C12orf56: variants seen among roughly 807,000 people sequenced by gnomAD.
The protein encoded by C12orf56 is chromosome 12 open reading frame 56.
Under a neutral mutation model 69.9 loss-of-function variants are expected in C12orf56, and 71 were observed. The observed-to-expected ratio is 1.02, with a 90% CI of 0.84 to 1.24. The LOEUF is 1.24. C12orf56 is among the 50% of genes most tolerant of loss of function. C12orf56 has a pLI of 0.00. For synonymous variants in C12orf56, 276 were observed against 274.1 expected (o/e 1.01, Z -0.07); for missense variants, 732 against 738.5 (o/e 0.99, Z 0.10).
chr12:64,365,756 T>C (rs976377061), intron 1 of C12orf56, among the ~76,000 whole-genome samples: 4 of 143,406 alleles, frequency 2.8e-5, no homozygotes, highest in African/African-American at 1.0e-4. Flanking sequence ...ATATATAATA[T>C]ATAGTTTATA....
intron 6 of C12orf56, 31 bp downstream of exon 6, chr12:64,303,604 T>G (rs1159578843): frequency 6.8e-7 from 1 of 1,474,658 alleles, no homozygotes; most frequent in African/African-American, 1.4e-5. Flanking sequence ...AACACAAACT[T>G]TAAAGATTAA....
chr12:64,275,154 G>A, intron 10 of C12orf56, 144 bp downstream of exon 10: 1 of 741,854 alleles, frequency 1.3e-6, no homozygotes, highest in East Asian at 2.8e-5. Flanking sequence ...AACCAGTTTT[G>A]GAGACCATCT....
At chr12:64,273,185 C>T (rs1465723635) in intron 11 of C12orf56, among the ~76,000 whole-genome samples, 3 of 151,722 alleles carry the variant, frequency 2.0e-5, no homozygotes, top group Non-Finnish European at 2.9e-5. Context: ...ATCCCAGCTA[C>T]TTGGGAGGCT....
At chr12:64,280,959 G>T (rs2038115079) in intron 8 of C12orf56, among the ~76,000 whole-genome samples, 1 of 152,174 alleles carries the variant, frequency 6.6e-6, no homozygotes, top group Non-Finnish European at 1.5e-5. Context: ...GTGATAATTT[G>T]TTATATGGCA....
In C12orf56 at chr12:64,312,691, T is replaced by C. The variant is rs1289674154; in HGVS notation, c.956A>G (p.Gln319Arg). 20 of 1,535,810 alleles carry C rather than the reference T, an allele frequency of 1.3e-5. No homozygotes were observed. The Middle Eastern group carries it at 6.7e-4, about 51-fold the overall frequency. Residue 319 changes from glutamine (Q) to arginine (R), a missense_variant, in exon 5 of 13, where the codon CAA becomes CGA. Coordinates refer to ENST00000543942, the MANE Select transcript of C12orf56 (RefSeq NM_001170633.2). ...CATCACTTCTTACCTATATGGCTTT[T>C]GACTTCCAATAGCAGGACTGAACTC... ...ASEFSPAIGS[Q>R]KPYRSEEKIK...
intron 1 of C12orf56, among the ~76,000 whole-genome samples, chr12:64,365,742 T>C (rs2039461070): frequency 7.0e-6 from 1 of 143,692 alleles, no homozygotes; most frequent in Admixed American, 7.4e-5. Flanking sequence ...ATAGTTTATA[T>C]AATATATATA....
chr12:64,353,568 G>A (rs921468507), intron 1 of C12orf56, among the ~76,000 whole-genome samples: 3 of 151,704 alleles, frequency 2.0e-5, no homozygotes. Flanking sequence ...TACCAAAAAT[G>A]TGCTCGACAA....
At chr12:64,298,752 G>C (rs938136036) in intron 6 of C12orf56, among the ~76,000 whole-genome samples, 1 of 152,110 alleles carries the variant, frequency 6.6e-6, no homozygotes, top group African/African-American at 2.4e-5. Context: ...GTCTGTTTTG[G>C]TACCAGTACC....
chr12:64,375,840 T>G (rs1377511120), intron 1 of C12orf56, among the ~76,000 whole-genome samples: 3 of 152,204 alleles, frequency 2.0e-5, no homozygotes, highest in Non-Finnish European at 4.4e-5. Flanking sequence ...TCTGATTGGA[T>G]TGTGATGTGC....
At chr12:64,369,157 C>CA (rs56135769) in intron 1 of C12orf56, among the ~76,000 whole-genome samples, 97,212 of 136,898 alleles carry the variant, frequency 0.71, 35,597 homozygotes, top group Middle Eastern at 0.89. Context: ...CATCTCTCTA[C>CA]AAAAAAAAAA....
intron 2 of C12orf56, among the ~76,000 whole-genome samples, chr12:64,334,823 A>G (rs6581542): frequency 0.99 from 150,033 of 152,260 alleles, 73,955 homozygotes; most frequent in Middle Eastern, 1. Context: ...TTAATTTTAT[A>G]CCAATATTTC....
Position 64,277,801 on chromosome 12 carries a change from C to A in C12orf56, c.1313G>T (p.Gly438Val). 4 of 1,544,338 alleles carry A rather than the reference C, an allele frequency of 2.6e-6. No homozygotes were observed. The highest frequency in any genetic ancestry group is 3.5e-6 in the Non-Finnish European group (4 of 1,144,442). The part of the protein sequence containing the change: ...SRLNTLAAKK[G>V]ALFNLLVILI... ...AATTACCAAGAGATTAAATAGTGCT[C>A]CCCTGGAAAAAAATAAATAAAAGGC... Residue 438 changes from glycine to valine, a missense_variant and splice_region_variant, in exon 9 of 13, where the codon GGA becomes GTA. By Grantham distance (109) the Gly-to-Val change is moderately radical (BLOSUM62 -3). Coordinates refer to ENST00000543942, the MANE Select transcript of C12orf56 (RefSeq NM_001170633.2).
intron 8 of C12orf56, among the ~76,000 whole-genome samples, chr12:64,283,557 T>C (rs1424793849): frequency 2.0e-5 from 3 of 152,192 alleles, no homozygotes; most frequent in African/African-American, 7.2e-5. Context: ...GGTGTGGCCA[T>C]GTGCCTGAAG....
At chr12:64,358,345 C>G (rs1371770724) in intron 1 of C12orf56, among the ~76,000 whole-genome samples, 1 of 151,698 alleles carries the variant, frequency 6.6e-6, no homozygotes, top group Non-Finnish European at 1.5e-5. Flanking sequence ...GTAATCCCAG[C>G]TACTCAGGAG....
At chr12:64,297,868 C>A (rs2038388100) in intron 6 of C12orf56, among the ~76,000 whole-genome samples, 1 of 152,110 alleles carries the variant, frequency 6.6e-6, no homozygotes, top group Non-Finnish European at 1.5e-5. Flanking sequence ...GTCTTTATAG[C>A]AACGTGATTT....
At chr12:64,271,113 C>T (rs923381914) in intron 11 of C12orf56, among the ~76,000 whole-genome samples, 10 of 151,826 alleles carry the variant, frequency 6.6e-5, no homozygotes, top group African/African-American at 1.2e-4. Context: ...TGCAGTGAGC[C>T]GAGATCATGT....
intron 2 of C12orf56, among the ~76,000 whole-genome samples, chr12:64,333,941 A>C (rs2038962117): frequency 6.6e-6 from 1 of 152,242 alleles, no homozygotes; most frequent in Non-Finnish European, 1.5e-5. Context: ...CAAGGACCAG[A>C]GTCTGGCAGG....
chr12:64,320,124 G>A (rs898851413), intron 3 of C12orf56, among the ~76,000 whole-genome samples: 25 of 152,194 alleles, frequency 1.6e-4, no homozygotes, highest in African/African-American at 3.9e-4. Context: ...GCCCGGGTTC[G>A]TCCTAATGGA....
At chr12:64,301,143 C>T (rs1305031444) in intron 6 of C12orf56, among the ~76,000 whole-genome samples, 2 of 152,094 alleles carry the variant, frequency 1.3e-5, no homozygotes, top group Non-Finnish European at 2.9e-5. Flanking sequence ...TGTGGCAGGC[C>T]AGGTCTTCAT....
Sources: gnomAD v4.1 joint callset for allele counts (sites outside exome capture counted in the v4.1 genomes callset) on GRCh38, gnomAD v4.1.1 for gene constraint, MANE v1.5 for transcripts, NCBI Gene and HGNC (gene_info 2026-07-23, HGNC 2026-07-21) for gene names.